GRPEL1: variants seen among roughly 807,000 people sequenced by gnomAD.
GRPEL1 encodes the protein grpE protein homolog 1, mitochondrial.
In GRPEL1, 13 loss-of-function variants were observed where a neutral mutation model predicts 22.1. The ratio of observed to expected loss-of-function variants is 0.59; its 90% CI spans 0.38 to 0.94. The LOEUF (loss-of-function observed/expected upper bound fraction) is 0.94. Among genes scored for constraint, GRPEL1 ranks in the 40% least tolerant of loss-of-function variants. GRPEL1 has a pLI of 0.00. For missense variants in GRPEL1, 289 were observed against 264.6 expected, an observed-to-expected ratio of 1.09 and a Z score of -0.64; for synonymous variants, 109 against 105.3, an observed-to-expected ratio of 1.03 and a Z score of -0.21.
In GRPEL1 at chr4:7,062,485, G is replaced by GAGATTT. The variant is rs60458218; in HGVS notation, c.226-20_226-19insAAATCT. 0.045 allele frequency: 16,651 copies of GAGATTT among 373,012 alleles called. 356 individuals are homozygous for GAGATTT. The highest frequency in any genetic ancestry group is 0.12 in the African/African-American group (2,380 of 20,088). 23.1% of individuals were successfully genotyped at this position (373,012 alleles called of 1,614,324 possible). On this transcript the variant is annotated intron_variant, in intron 2 of 3. Coordinates refer to ENST00000264954, the MANE Select transcript of GRPEL1 (RefSeq NM_025196.4). ...ATTTTTCCTAAAAGAGAAAAAAAGGGATATTTATATATATATATATATATA... is the reference window on the plus strand; with the variant it reads ...ATTTTTCCTAAAAGAGAAAAAAAGGGAGATTTATATTTATATATATATATATATATA...
chr4:7,066,836 T>C (rs954684082), intron 1 of GRPEL1, among the ~76,000 whole-genome samples: 3 of 152,214 alleles, frequency 2.0e-5, no homozygotes, highest in African/African-American at 7.2e-5. Flanking sequence ...TACCAGTCAG[T>C]TCTCCTGCCT....
Position 7,059,244 on chromosome 4 carries a change from A to G in GRPEL1, c.*1618T>C, listed in dbSNP as rs1175546861. The G allele has an allele frequency of 2.0e-5, 3 of 152,356 alleles. No individual in the cohort carries two copies. The highest frequency in any genetic ancestry group is 7.2e-5 in the African/African-American group (3 of 41,576). 9.4% of individuals were successfully genotyped at this position (152,356 alleles called of 1,614,324 possible). On this transcript the variant is annotated 3_prime_UTR_variant, in exon 4 of 4. Coordinates refer to ENST00000264954, the MANE Select transcript of GRPEL1 (RefSeq NM_025196.4). Reference sequence around the variant, plus strand: ...GATAACCAACTTATAGTGACTATGGATGACTGAAGCTTACTGTAAAAAAAT... The same window carrying G: ...GATAACCAACTTATAGTGACTATGGGTGACTGAAGCTTACTGTAAAAAAAT...
chr4:7,067,894 C>T (rs1443927528), intron 1 of GRPEL1, 77 bp downstream of exon 1: 6 of 1,475,264 alleles, frequency 4.1e-6, no homozygotes, highest in African/African-American at 1.4e-5. Flanking sequence ...GAAGGAGGCC[C>T]CGGGGCCGGG....
intron 1 of GRPEL1, among the ~76,000 whole-genome samples, chr4:7,065,220 T>G (rs1453402364): frequency 6.6e-6 from 1 of 152,174 alleles, no homozygotes; most frequent in Non-Finnish European, 1.5e-5. Flanking sequence ...AATTTGTGAT[T>G]TAAAAGTGAT....
At position 7,068,043 on chromosome 4, in the gene GRPEL1, G is replaced by C. The variant is rs781529895; in HGVS notation, c.-11C>G. On this transcript the variant is annotated 5_prime_UTR_variant, in exon 1 of 4. Coordinates refer to ENST00000264954, the MANE Select transcript of GRPEL1 (RefSeq NM_025196.4). ...GCACTGAGCCGCCATGACTGCCACT[G>C]CCCGTCGCAGTCGCCGCGCACGCAC... The C allele has an allele frequency of 6.2e-7, 1 of 1,612,362 alleles. No homozygotes were observed. The highest frequency in any genetic ancestry group is 2.2e-5 in the East Asian group (1 of 44,836).
intron 1 of GRPEL1, among the ~76,000 whole-genome samples, chr4:7,065,579 G>C (rs1724147141): frequency 6.6e-6 from 1 of 151,920 alleles, no homozygotes; most frequent in Admixed American, 6.6e-5. Flanking sequence ...GGGAGGCTCA[G>C]AGTAGAAGGA....
Position 7,061,180 on chromosome 4 carries a change from C to T in GRPEL1, c.336G>A (p.Leu112=). Residue 112 remains leucine, a synonymous_variant, in exon 4 of 4, where the codon TTG becomes TTA. Transcript: ENST00000264954. ...YGIQAFCKDL[L]EVADVLEKAT... is the part of the protein sequence containing the mutation. The stretch of plus-strand genomic sequence containing the variant: ...CCTTCTCCAGAACGTCTGCCACCTC[C>T]AACAAGTCCTTGCAGAAGGCTTGAA... 1.9e-6 allele frequency: 3 copies of T among 1,612,602 alleles called. No homozygotes were observed. Among genetic ancestry groups the T allele is most frequent in the South Asian group, 1.1e-5 (1 of 90,924 alleles).
chr4:7,062,512 A>ATC (rs1724068330), intron 2 of GRPEL1, 46 bp from the exon 3 acceptor site: 1 of 286,590 alleles, frequency 3.5e-6, no homozygotes, highest in Non-Finnish European at 4.9e-6. Context: ...ATATATATAT[A>ATC]TATCTTTTTT....
At chr4:7,063,586 G>T (rs892896725) in intron 2 of GRPEL1, among the ~76,000 whole-genome samples, 1 of 152,188 alleles carries the variant, frequency 6.6e-6, no homozygotes, top group South Asian at 2.1e-4. Flanking sequence ...AGCACTCAGG[G>T]TTTGATGTCT....
rs577029739 is a variant in GRPEL1, at chr4:7,068,025, G to C, written c.8C>G (p.Ala3Gly). Residue 3 changes from alanine to glycine, a missense_variant, in exon 1 of 4, where the codon GCT (alanine) becomes GGT (glycine). Transcript: ENST00000264954. ...GCGCCGCGCCAACCTCACGCACTGA[G>C]CCGCCATGACTGCCACTGCCCGTCG... MA[A>G]QCVRLARRSL... 2.1e-5 allele frequency: 34 copies of C among 1,611,912 alleles called. No homozygotes were observed. Among genetic ancestry groups the C allele is most frequent in the East Asian group, 6.7e-5 (3 of 44,842 alleles).
rs536834961 is a variant in GRPEL1 at position 7,062,154 on chromosome 4, G to A, written c.307+231C>T. 1.8e-3 allele frequency: 514 copies of A among 289,116 alleles called. 2 individuals are homozygous for A. Among genetic ancestry groups the A allele is most frequent in the Non-Finnish European group, 2.9e-3 (446 of 156,292 alleles). The allele number at this position is 289,116 out of a possible 1,614,324, so 17.9% of individuals were successfully genotyped here. On this transcript the variant is annotated intron_variant, in intron 3 of 3. Transcript: ENST00000264954. ...TGCAGGTTCCCACCAAGGTCTCTGC[G>A]TGGGGGAGGACACACCTATTTACAA...
At position 7,060,922 on chromosome 4, in the gene GRPEL1, C is replaced by G. The variant is rs776253629; in HGVS notation, c.594G>C (p.Gly198=). 1 of 1,614,206 alleles carries G rather than the reference C, an allele frequency of 6.2e-7. No individual in the cohort carries two copies. Among genetic ancestry groups the G allele is most frequent in the Non-Finnish European group, 8.5e-7 (1 of 1,180,044 alleles). Residue 198 remains glycine (G), a synonymous_variant, in exon 4 of 4, where the codon GGG becomes GGC. Transcript: ENST00000264954. ...TCAGAGTGCGCCCATGCAGCTTGTA[C>G]CCCACTTTGCTAACTAGGGCCACTG... ...PGTVALVSKV[G]YKLHGRTLRP... is the part of the protein sequence containing the mutation.
At chr4:7,065,315 G>A (rs1192297029) in intron 1 of GRPEL1, among the ~76,000 whole-genome samples, 1 of 152,156 alleles carries the variant, frequency 6.6e-6, no homozygotes, top group African/African-American at 2.4e-5. Flanking sequence ...AGGAGTTCGG[G>A]ACCAGCCTGA....
intron 2 of GRPEL1, 131 bp downstream of exon 2, chr4:7,063,930 C>G: frequency 2.0e-6 from 2 of 997,100 alleles, no homozygotes; most frequent in Non-Finnish European, 2.8e-6. Flanking sequence ...CCACCTGGGC[C>G]CACTGCAGGC....
rs1724014490 is a variant in GRPEL1, at chr4:7,060,488, A to G, written c.*374T>C. ...CCAGTCACTCATGCGCCGCAGGGAC[A>G]CATGGTGCAGACTGGCGTGCCCAGG... is the stretch of plus-strand genomic sequence containing the variant. On this transcript the variant is annotated 3_prime_UTR_variant, in exon 4 of 4. Coordinates refer to ENST00000264954, the MANE Select transcript of GRPEL1 (RefSeq NM_025196.4). 1 of 203,374 alleles carries G rather than the reference A, an allele frequency of 4.9e-6. No homozygotes were observed. The highest frequency in any genetic ancestry group is 5.2e-5 in the Admixed American group (1 of 19,104). The allele number at this position is 203,374 out of a possible 1,614,324, so 12.6% of individuals were successfully genotyped here. A position where few individuals can be genotyped will look rare whatever the true frequency, so the allele number is the denominator to read the frequency against.
At chr4:7,067,223 T>C (rs1297673986) in intron 1 of GRPEL1, among the ~76,000 whole-genome samples, 1 of 149,938 alleles carries the variant, frequency 6.7e-6, no homozygotes, top group Non-Finnish European at 1.5e-5. Context: ...ACTTCTAAAG[T>C]AGAACTTTCA....
intron 1 of GRPEL1, 98 bp downstream of exon 1, chr4:7,067,873 G>T: frequency 7.7e-7 from 1 of 1,300,754 alleles, no homozygotes; most frequent in Non-Finnish European, 1.1e-6. Context: ...CAGCTCCGGG[G>T]CCGAGGCCGG....
chr4:7,062,735 A>C (rs189649767), intron 2 of GRPEL1, among the ~76,000 whole-genome samples: 54 of 152,138 alleles, frequency 3.5e-4, no homozygotes, highest in Non-Finnish European at 7.1e-4. Context: ...GATGGTCTCC[A>C]TCTCCTGACC....
rs1289767729 is a variant in GRPEL1 at position 7,059,645 on chromosome 4, T to C, written c.*1217A>G. 1 of 152,248 alleles carries C rather than the reference T, an allele frequency of 6.6e-6. No homozygotes were observed. The highest frequency in any genetic ancestry group is 2.4e-5 in the African/African-American group (1 of 41,466). The allele number at this position is 152,248 out of a possible 1,614,324, so 9.4% of individuals were successfully genotyped here. On this transcript the variant is annotated 3_prime_UTR_variant, in exon 4 of 4. Coordinates refer to ENST00000264954, the MANE Select transcript of GRPEL1 (RefSeq NM_025196.4). ...TAGAAGTGAAATAAACTGCCCCATC[T>C]TTCCTGTGCAGCAAATGGCTTTCAC...
Sources: gnomAD v4.1 joint callset for allele counts (sites outside exome capture counted in the v4.1 genomes callset) on GRCh38, gnomAD v4.1.1 for gene constraint, MANE v1.5 for transcripts, NCBI Gene and HGNC (gene_info 2026-07-23, HGNC 2026-07-21) for gene names.